SEZ6L: variants seen among roughly 807,000 people sequenced by gnomAD.
SEZ6L encodes the protein seizure 6-like protein.
A neutral mutation model predicts 106.2 loss-of-function variants in SEZ6L; 37 were observed. The observed-to-expected ratio is 0.35, with a 90% CI of 0.27 to 0.46. The LOEUF is 0.46. SEZ6L is among the 20% of genes least tolerant of loss of function. The pLI is 1.00. For missense variants in SEZ6L, 1,172 were observed against 1,332.8 expected (o/e 0.88, Z 1.88); for synonymous variants, 541 against 570.4 (o/e 0.95, Z 0.73).
At chr22:26,361,518 A>AT (rs1198502452) in intron 12 of SEZ6L, among the ~76,000 whole-genome samples, 89 of 133,994 alleles carry the variant, frequency 6.6e-4, no homozygotes, top group South Asian at 1.2e-3. Context: ...AAAAAAAAAA[A>AT]AAATATATAT....
chr22:26,307,569 T>C (rs903134918), intron 6 of SEZ6L, among the ~76,000 whole-genome samples: 5 of 152,108 alleles, frequency 3.3e-5, no homozygotes, highest in African/African-American at 1.2e-4. Flanking sequence ...AACAACTCTA[T>C]ATCGATAAAT....
intron 1 of SEZ6L, among the ~76,000 whole-genome samples, chr22:26,209,550 G>A (rs915031619): frequency 6.6e-6 from 1 of 151,296 alleles, no homozygotes; most frequent in African/African-American, 2.4e-5. Context: ...CAAGGAAGGA[G>A]GGAGGGAGGA....
At position 26,348,590 on chromosome 22, in the gene SEZ6L, A is replaced by G. The variant is rs867665276; in HGVS notation, c.2407+677A>G. Among the ~76,000 whole-genome samples the G allele has an allele frequency of 8.0e-4, 54 of 67,430 alleles. 1 individual carries two copies. Among genetic ancestry groups the G allele is most frequent in the African/African-American group, 2.7e-3 (27 of 10,110 alleles). The allele number at this position is 67,430 out of a possible 152,430, so 44.2% of individuals were successfully genotyped here. A position where few individuals can be genotyped will look rare whatever the true frequency, so the allele number is the denominator to read the frequency against. On this transcript the variant is annotated intron_variant, in intron 11 of 16. Transcript: ENST00000248933. ...GGAAAGAAAGAAAGAAAGAAAGAGA[A>G]AGAAAGAAAGAAAGAAAGAGAAAAA... is the stretch of plus-strand genomic sequence containing the variant.
chr22:26,320,499 T>A (rs942575883), intron 9 of SEZ6L, among the ~76,000 whole-genome samples: 1 of 152,206 alleles, frequency 6.6e-6, no homozygotes, highest in African/African-American at 2.4e-5. Flanking sequence ...CATGGACATG[T>A]GAGGACTGTC....
intron 1 of SEZ6L, among the ~76,000 whole-genome samples, chr22:26,273,388 T>G (rs945310742): frequency 6.6e-6 from 1 of 152,236 alleles, no homozygotes; most frequent in Non-Finnish European, 1.5e-5. Flanking sequence ...ATTTGCCTCC[T>G]CCTATGCTTC....
intron 9 of SEZ6L, among the ~76,000 whole-genome samples, chr22:26,332,861 G>C (rs965040981): frequency 6.6e-6 from 1 of 152,204 alleles, no homozygotes; most frequent in African/African-American, 2.4e-5. Context: ...TGTATAAAAT[G>C]GTGGTTCAGA....
chr22:26,262,387 T>C (rs2080044558), intron 1 of SEZ6L, among the ~76,000 whole-genome samples: 1 of 151,992 alleles, frequency 6.6e-6, no homozygotes, highest in Non-Finnish European at 1.5e-5. Context: ...TCTGCAGAAA[T>C]CTTTGAGGGA....
chr22:26,275,147 C>T (rs2080501842), intron 1 of SEZ6L, among the ~76,000 whole-genome samples: 1 of 152,238 alleles, frequency 6.6e-6, no homozygotes, highest in Non-Finnish European at 1.5e-5. Flanking sequence ...TAATCCTTTA[C>T]TGCACAGCAG....
intron 1 of SEZ6L, among the ~76,000 whole-genome samples, chr22:26,249,530 G>T (rs1206822095): frequency 6.6e-6 from 1 of 152,182 alleles, no homozygotes; most frequent in Non-Finnish European, 1.5e-5. Flanking sequence ...ATTCGTGTGT[G>T]TGTGTGTGTA....
chr22:26,327,363 C>CACACTA (rs2082343797), intron 9 of SEZ6L, among the ~76,000 whole-genome samples: 1 of 101,990 alleles, frequency 9.8e-6, no homozygotes, highest in Admixed American at 9.9e-5. Flanking sequence ...GCCACACATG[C>CACACTA]CACACCACAT....
chr22:26,306,047 A>G lies in SEZ6L; in HGVS notation c.1417A>G (p.Thr473Ala). ...CCTCTCCCCAAGTTACCCTGAAAAC[A>G]CAAATGGGAGCCAATTCTGCATCTG... is the stretch of plus-strand genomic sequence containing the variant. ...RVLSPSYPEN[T>A]NGSQFCIWTI... The change falls in exon 6 of 17, where the codon ACA becomes GCA. Residue 473 changes from threonine to alanine, a missense_variant. Thr to Ala is a moderately conservative substitution (Grantham distance 58). Transcript: ENST00000248933. The G allele has an allele frequency of 6.2e-7, 1 of 1,614,056 alleles. No homozygotes were observed. Among genetic ancestry groups the G allele is most frequent in the Non-Finnish European group, 8.5e-7 (1 of 1,180,006 alleles).
At chr22:26,219,474 C>A (rs2078397976) in intron 1 of SEZ6L, among the ~76,000 whole-genome samples, 1 of 151,982 alleles carries the variant, frequency 6.6e-6, no homozygotes, top group East Asian at 1.9e-4. Context: ...GTGCTTGCTT[C>A]TTTATTTTCC....
intron 1 of SEZ6L, among the ~76,000 whole-genome samples, chr22:26,208,852 G>C (rs12628834): frequency 0.058 from 589 of 10,164 alleles, 1 homozygote; most frequent in African/African-American, 0.18. Flanking sequence ...CTCTCTCTCT[G>C]TGTGTGTGTG....
At chr22:26,312,410 T>C (rs1161714543) in intron 8 of SEZ6L, among the ~76,000 whole-genome samples, 3 of 152,210 alleles carry the variant, frequency 2.0e-5, no homozygotes, top group African/African-American at 7.2e-5. Context: ...TAAAGTAGAT[T>C]GTATCGGCCC....
intron 3 of SEZ6L, among the ~76,000 whole-genome samples, chr22:26,294,911 G>T (rs1430546694): frequency 1.7e-5 from 2 of 117,312 alleles, no homozygotes; most frequent in African/African-American, 3.5e-5. Flanking sequence ...CTTGCTTCCT[G>T]CTTTCTTGCT....
intron 9 of SEZ6L, among the ~76,000 whole-genome samples, chr22:26,323,009 C>T (rs1349418889): frequency 1.3e-5 from 2 of 152,186 alleles, no homozygotes; most frequent in African/African-American, 4.8e-5. Context: ...GTGAAGGCAT[C>T]GTAGAATAGA....
chr22:26,352,314 T>C (rs1470249771), intron 12 of SEZ6L, among the ~76,000 whole-genome samples: 2 of 152,186 alleles, frequency 1.3e-5, no homozygotes, highest in African/African-American at 4.8e-5. Context: ...TCAGCTGCAC[T>C]AATATTTTAA....
intron 1 of SEZ6L, among the ~76,000 whole-genome samples, chr22:26,227,714 C>T (rs1351328705): frequency 1.3e-5 from 2 of 152,264 alleles, no homozygotes; most frequent in East Asian, 1.9e-4. Context: ...CCACCACACC[C>T]ACCCTTTGTT....
intron 1 of SEZ6L, among the ~76,000 whole-genome samples, chr22:26,199,426 C>A (rs997669489): frequency 6.6e-6 from 1 of 152,082 alleles, no homozygotes; most frequent in Non-Finnish European, 1.5e-5. Context: ...TCTATTCATC[C>A]GAGAGAAAAC....
Sources: gnomAD v4.1 joint callset for allele counts (sites outside exome capture counted in the v4.1 genomes callset) on GRCh38, gnomAD v4.1.1 for gene constraint, MANE v1.5 for transcripts, NCBI Gene and HGNC (gene_info 2026-07-23, HGNC 2026-07-21) for gene names.